GRIP1: variants seen among roughly 807,000 people sequenced by gnomAD.
GRIP1 encodes glutamate receptor interacting protein 1.
GRIP1 carries 45 observed loss-of-function variants against 129.9 expected under a neutral mutation model. The observed-to-expected ratio is 0.35, with a 90% CI of 0.27 to 0.44. The LOEUF (loss-of-function observed/expected upper bound fraction) is 0.44, where lower values mean the gene tolerates loss of function less well. GRIP1 is among the 20% of genes least tolerant of loss of function. The pLI, the probability that GRIP1 is intolerant of heterozygous loss-of-function variation, is 1.00. For synonymous variants in GRIP1, 530 were observed against 520.8 expected, an observed-to-expected ratio of 1.02 and a Z score of -0.24; for missense variants, 1,196 against 1,396.8, an observed-to-expected ratio of 0.86 and a Z score of 2.29.
chr12:66,705,043 T>G (rs574936063), intron 1 of GRIP1, among the ~76,000 whole-genome samples: 97 of 152,236 alleles, frequency 6.4e-4, no homozygotes, highest in African/African-American at 2.2e-3. Context: ...ACCCATCAAT[T>G]AACAGAGCCC....
At chr12:66,561,328 T>C (rs2062519930) in intron 2 of GRIP1, among the ~76,000 whole-genome samples, 1 of 151,654 alleles carries the variant, frequency 6.6e-6, no homozygotes, top group African/African-American at 2.4e-5. Context: ...ACTAAAAGAG[T>C]ATAATTGGAT....
intron 23 of GRIP1, among the ~76,000 whole-genome samples, chr12:66,357,495 G>T (rs1185179891): frequency 3.3e-5 from 5 of 152,108 alleles, no homozygotes; most frequent in Non-Finnish European, 7.3e-5. Flanking sequence ...TCCTACTTTG[G>T]GTGGGTTCAG....
intron 15 of GRIP1, among the ~76,000 whole-genome samples, chr12:66,406,966 C>G (rs2057213686): frequency 6.6e-6 from 1 of 152,048 alleles, no homozygotes; most frequent in Admixed American, 6.5e-5. Flanking sequence ...AAAGTGGCCA[C>G]TGAGACTCTA....
At chr12:66,969,002 A>G (rs1008894314) in intron 1 of GRIP1, among the ~76,000 whole-genome samples, 7 of 152,070 alleles carry the variant, frequency 4.6e-5, no homozygotes, top group Non-Finnish European at 2.9e-5. Flanking sequence ...TTAGAATTCA[A>G]AGTTGATGAG....
chr12:66,556,911 A>G, intron 2 of GRIP1, among the ~76,000 whole-genome samples: 1 of 151,252 alleles, frequency 6.6e-6, no homozygotes. Context: ...GGAATGACAG[A>G]AAAAAAAATA....
intron 1 of GRIP1, among the ~76,000 whole-genome samples, chr12:67,022,736 G>A (rs2042886423): frequency 6.6e-6 from 1 of 152,050 alleles, no homozygotes; most frequent in African/African-American, 2.4e-5. Flanking sequence ...TAGCTACAAG[G>A]GGTAAAGGCG....
intron 2 of GRIP1, among the ~76,000 whole-genome samples, chr12:66,553,590 TA>T (rs10719191): frequency 0.36 from 54,144 of 150,948 alleles, 10,023 homozygotes; most frequent in East Asian, 0.41. Flanking sequence ...AGCACCTTCG[TA>T]GGAACCAAAA....
Position 66,689,667 on chromosome 12 carries a change from C to T in GRIP1, c.-419-59331G>A, listed in dbSNP as rs930832700. 3.3e-5 allele frequency among the ~76,000 whole-genome samples: 5 copies of T among 152,086 alleles called. No individual in the cohort carries two copies. In the East Asian group the frequency reaches 5.8e-4, roughly 18 times the overall value. ...CCACTCAGCATTGATGTGGGTGTGA[C>T]GGGGGTCATGAGGGTACTTAAGATC... On this transcript the variant is annotated intron_variant, in intron 1 of 4. Coordinates refer to the GRIP1 transcript ENST00000538373.
At chr12:66,978,423 T>C (rs2042188010) in intron 1 of GRIP1, among the ~76,000 whole-genome samples, 2 of 152,216 alleles carry the variant, frequency 1.3e-5, no homozygotes, top group Non-Finnish European at 2.9e-5. Flanking sequence ...ATTGAAAGCA[T>C]GTAACTTTGA....
intron 1 of GRIP1, among the ~76,000 whole-genome samples, chr12:66,684,324 C>G (rs4244067): frequency 0.79 from 120,066 of 152,156 alleles, 47,779 homozygotes; most frequent in African/African-American, 0.86. Flanking sequence ...CATTTTCTGT[C>G]ATTACAATGG....
intron 23 of GRIP1, among the ~76,000 whole-genome samples, chr12:66,356,667 G>A (rs1053801337): frequency 2.0e-5 from 3 of 150,988 alleles, no homozygotes; most frequent in Admixed American, 6.6e-5. Context: ...TCTCTTCTTC[G>A]GGGGAGTGTT....
intron 1 of GRIP1, among the ~76,000 whole-genome samples, chr12:66,726,261 G>T (rs2036250866): frequency 2.0e-5 from 3 of 152,144 alleles, no homozygotes; most frequent in Non-Finnish European, 4.4e-5. Context: ...AGCAGGTCCA[G>T]CAATTTCTTC....
At chr12:66,633,075 C>A (rs1448961184) in intron 1 of GRIP1, among the ~76,000 whole-genome samples, 1 of 151,622 alleles carries the variant, frequency 6.6e-6, no homozygotes, top group Non-Finnish European at 1.5e-5. Context: ...CGCAGTGACA[C>A]AATCTTGGCT....
chr12:66,635,356 C>T (rs1326052861), intron 1 of GRIP1, among the ~76,000 whole-genome samples: 1 of 151,236 alleles, frequency 6.6e-6, no homozygotes, highest in Non-Finnish European at 1.5e-5. Context: ...CCCAGGAGTT[C>T]AAGGTTACAG....
At position 66,961,605 on chromosome 12, in the gene GRIP1, A is replaced by AT. The variant is rs1167464100; in HGVS notation, c.58+107444dup. On this transcript the variant is annotated intron_variant, in intron 1 of 1. Transcript: ENST00000643019. The stretch of plus-strand genomic sequence containing the variant: ...CCATGAGTTTGGGAAGTTCAGAAGG[A>AT]TTTTTTTTTTGTTTTAATCAGCTGC... 7.7e-3 allele frequency among the ~76,000 whole-genome samples: 1,160 copies of AT among 149,828 alleles called. 9 individuals carry two copies. Among genetic ancestry groups the AT allele is most frequent in the African/African-American group, 0.022 (898 of 40,960 alleles).
At chr12:66,917,266 A>T (rs73333009) in intron 1 of GRIP1, among the ~76,000 whole-genome samples, 4,161 of 152,332 alleles carry the variant, frequency 0.027, 199 homozygotes, top group African/African-American at 0.096. Flanking sequence ...AATCAATAAC[A>T]AAAACAACAA....
intron 1 of GRIP1, among the ~76,000 whole-genome samples, chr12:66,636,016 G>A (rs1272755225): frequency 6.6e-6 from 1 of 152,176 alleles, no homozygotes; most frequent in Non-Finnish European, 1.5e-5. Context: ...ACTGTCGACA[G>A]ATGGATGAAT....
intron 1 of GRIP1, among the ~76,000 whole-genome samples, chr12:66,901,289 T>C (rs1436497083): frequency 6.6e-6 from 1 of 152,040 alleles, no homozygotes; most frequent in Non-Finnish European, 1.5e-5. Flanking sequence ...GGGAACAAAA[T>C]ATAAAGCTCA....
intron 8 of GRIP1, 78 bp downstream of exon 8, chr12:66,465,197 C>A (rs571256524): frequency 8.1e-7 from 1 of 1,237,618 alleles, no homozygotes; most frequent in African/African-American, 1.5e-5. Context: ...TCACCCGCCT[C>A]GGCCTCCCAA....
Sources: allele counts gnomAD v4.1 joint callset (sites outside exome capture counted in the v4.1 genomes callset), GRCh38; gene constraint gnomAD v4.1.1; transcripts MANE v1.5; gene names NCBI Gene and HGNC (gene_info 2026-07-23, HGNC 2026-07-21).